Variants in TPCN1 observed in about 807,000 individuals in gnomAD.
TPCN1 encodes the protein two pore channel protein 1.
In TPCN1, 52 loss-of-function variants were observed where a neutral mutation model predicts 108.8. The ratio of observed to expected loss-of-function variants is 0.48; its 90% CI spans 0.38 to 0.60. The LOEUF (loss-of-function observed/expected upper bound fraction) is 0.60, where lower values mean the gene tolerates loss of function less well. Among genes scored for constraint, TPCN1 ranks in the 20% least tolerant of loss-of-function variants. The pLI is 0.00. For missense variants in TPCN1, 806 were observed against 1,072.8 expected, an observed-to-expected ratio of 0.75 and a Z score of 3.47; for synonymous variants, 446 against 433.7, an observed-to-expected ratio of 1.03 and a Z score of -0.35.
intron 2 of TPCN1, among the ~76,000 whole-genome samples, chr12:113,246,428 C>T (rs1954386907): frequency 6.6e-6 from 1 of 152,232 alleles, no homozygotes; most frequent in Non-Finnish European, 1.5e-5. Context: ...ATGCAGAATA[C>T]AGTCTTCCTG....
intron 2 of TPCN1, among the ~76,000 whole-genome samples, chr12:113,234,078 G>GCTCC (rs1359656303): frequency 1.3e-5 from 2 of 152,060 alleles, no homozygotes; most frequent in Non-Finnish European, 2.9e-5. Context: ...CATACCTAGA[G>GCTCC]CTCCCTTTCA....
intron 2 of TPCN1, among the ~76,000 whole-genome samples, chr12:113,252,822 C>G (rs944350701): frequency 6.6e-6 from 1 of 152,162 alleles, no homozygotes; most frequent in Admixed American, 6.5e-5. Context: ...CTGTCTCTGC[C>G]TAGGGCTTAG....
intron 2 of TPCN1, among the ~76,000 whole-genome samples, chr12:113,254,426 A>G (rs911211186): frequency 6.6e-6 from 1 of 152,236 alleles, no homozygotes; most frequent in African/African-American, 2.4e-5. Flanking sequence ...AAAAATTTAA[A>G]CAATTTTGCA....
intron 3 of TPCN1, among the ~76,000 whole-genome samples, chr12:113,265,522 T>G (rs1404518164): frequency 6.6e-6 from 1 of 151,436 alleles, no homozygotes; most frequent in African/African-American, 2.4e-5. Flanking sequence ...CTTTACCTCC[T>G]CTCAGGACCT....
chr12:113,254,403 G>A (rs931396532), intron 2 of TPCN1, among the ~76,000 whole-genome samples: 2 of 152,228 alleles, frequency 1.3e-5, no homozygotes, highest in South Asian at 2.1e-4. Flanking sequence ...CATTCTACAC[G>A]GATGTAGATG....
Position 113,273,509 on chromosome 12 carries a change from T to G in TPCN1, c.843-60T>G. The G allele has an allele frequency of 2.1e-6, 3 of 1,396,780 alleles. No homozygotes were observed. Among genetic ancestry groups the G allele is most frequent in the Non-Finnish European group, 3.1e-6 (3 of 982,380 alleles). The allele number at this position is 1,396,780 out of a possible 1,614,324, so 86.5% of individuals were successfully genotyped here. A position where few individuals can be genotyped will look rare whatever the true frequency, so the allele number is the denominator to read the frequency against. On this transcript the variant is annotated intron_variant, in intron 9 of 27. Coordinates refer to ENST00000335509, the MANE Select transcript of TPCN1 (RefSeq NM_017901.6). The surrounding 1 kb of genome is among the most constrained non-coding windows in gnomAD (Gnocchi z 4.0). ...AAGGAGCTGTCCTCTGCAAGGCATG[T>G]GCTCTGAGAGGATGGAGACAGGCAG...
chr12:113,286,451 G>GGGGGC (rs1481076584), intron 18 of TPCN1, among the ~76,000 whole-genome samples: 6 of 152,104 alleles, frequency 3.9e-5, no homozygotes, highest in East Asian at 1.9e-4. Flanking sequence ...AACACGCAGA[G>GGGGGC]CGGAGTTGGG....
At chr12:113,282,470 C>A (rs1396702065) in intron 15 of TPCN1, among the ~76,000 whole-genome samples, 1 of 151,846 alleles carries the variant, frequency 6.6e-6, no homozygotes, top group East Asian at 1.9e-4. Context: ...TGTTTTATGG[C>A]CGGGCATGGT....
chr12:113,278,341 C>A, intron 13 of TPCN1, 104 bp downstream of exon 13: 5 of 1,045,640 alleles, frequency 4.8e-6, no homozygotes, highest in South Asian at 1.3e-5. Context: ...CCTGCTAGAG[C>A]AGCTCAGCCC....
rs760892701 is a variant in TPCN1, at chr12:113,288,188, C to T, written c.1660C>T (p.Arg554Cys). Reference sequence around the variant, plus strand: ...GTTGTTTAAGTTGAAGGAGCGCTACCGCAACGTGCTGGACACCATGTTCGA... The same window carrying T: ...GTTGTTTAAGTTGAAGGAGCGCTACTGCAACGTGCTGGACACCATGTTCGA... ...LRLFKLKERYRNVLDTMFELL... is the reference protein window; with the variant it reads ...LRLFKLKERYCNVLDTMFELL... Residue 554 changes from arginine (R) to cysteine (C), a missense_variant, in exon 20 of 28, where the codon CGC becomes TGC. Physicochemically the swap from Arg to Cys is radical, Grantham distance 180 (BLOSUM62 -3). Coordinates refer to ENST00000335509, the MANE Select transcript of TPCN1 (RefSeq NM_017901.6). The surrounding 1 kb of genome is among the most constrained non-coding windows in gnomAD (Gnocchi z 4.8). 9.3e-6 allele frequency: 15 copies of T among 1,613,866 alleles called. No homozygotes were observed. The highest frequency in any genetic ancestry group is 3.3e-4 in the Middle Eastern group (2 of 6,050).
At chr12:113,293,688 CGGCGACCGTG>C (rs530722254) in intron 27 of TPCN1, among the ~76,000 whole-genome samples, 48 of 152,274 alleles carry the variant, frequency 3.2e-4, no homozygotes, top group African/African-American at 1.1e-3. Context: ...GAGGAAAGAG[CGGCGACCGTG>C]GTGAACTGGC....
At chr12:113,257,433 G>A (rs1954866578) in intron 2 of TPCN1, among the ~76,000 whole-genome samples, 1 of 151,724 alleles carries the variant, frequency 6.6e-6, no homozygotes, top group Admixed American at 6.6e-5. Flanking sequence ...GGAGGTTTTA[G>A]TGAGCTGAGA....
chr12:113,256,553 G>T (rs1207702670), intron 2 of TPCN1, among the ~76,000 whole-genome samples: 1 of 152,094 alleles, frequency 6.6e-6, no homozygotes, highest in African/African-American at 2.4e-5. Context: ...TGAAATCTTT[G>T]TTTTTATTTT....
intron 22 of TPCN1, among the ~76,000 whole-genome samples, 163 bp from the exon 23 acceptor site, chr12:113,290,789 G>C (rs1300112565): frequency 6.6e-6 from 1 of 152,164 alleles, no homozygotes; most frequent in Admixed American, 6.5e-5. Flanking sequence ...CAGCGCCCTA[G>C]GAGTGCCTTG....
At chr12:113,265,220 A>G (rs568898940) in intron 3 of TPCN1, among the ~76,000 whole-genome samples, 257 of 152,324 alleles carry the variant, frequency 1.7e-3, no homozygotes, top group Non-Finnish European at 2.9e-3. Context: ...GATAATAGCA[A>G]ATACCTGTAG....
chr12:113,225,591 C>T (rs1246545308), intron 1 of TPCN1, among the ~76,000 whole-genome samples: 1 of 151,898 alleles, frequency 6.6e-6, no homozygotes, highest in Non-Finnish European at 1.5e-5. Flanking sequence ...GACAGAGTCT[C>T]GCCCTGTCAC....
intron 11 of TPCN1, 76 bp from the exon 12 acceptor site, chr12:113,277,164 T>C (rs1344852468): frequency 3.1e-6 from 5 of 1,608,120 alleles, no homozygotes; most frequent in Non-Finnish European, 3.4e-6. Flanking sequence ...TGAACAGAGC[T>C]GGAGTGGATC....
chr12:113,268,852 G>A lies in TPCN1; in HGVS notation c.639G>A (p.Arg213=). The change falls in exon 6 of 28, where the codon CGG becomes CGA. Residue 213 remains arginine (R), a synonymous_variant. Transcript: ENST00000335509. This position sits in a 1 kb window ranked among gnomAD's most constrained non-coding sequence, Gnocchi z 7.3. ...GCTGCATTTTCCTGGTGGACTGTCGGTATTGCGGTGGCGTCCGGCGGTAAG... is the reference window on the plus strand; with the variant it reads ...GCTGCATTTTCCTGGTGGACTGTCGATATTGCGGTGGCGTCCGGCGGTAAG... The part of the protein sequence containing the change: ...ALRCIFLVDC[R]YCGGVRRNLR... 1.2e-6 allele frequency: 2 copies of A among 1,614,086 alleles called. No homozygotes were observed. Among genetic ancestry groups the A allele is most frequent in the South Asian group, 2.2e-5 (2 of 91,078 alleles).
intron 2 of TPCN1, among the ~76,000 whole-genome samples, chr12:113,253,798 A>G (rs1476241390): frequency 1.3e-5 from 2 of 152,392 alleles, no homozygotes; most frequent in African/African-American, 2.4e-5. Flanking sequence ...TGTGTGGAGA[A>G]GCAGCAAGGT....
Sources: gnomAD v4.1 joint callset for allele counts (sites outside exome capture counted in the v4.1 genomes callset) on GRCh38, gnomAD v4.1.1 for gene constraint, Gnocchi (gnomAD v3.1) non-coding constraint, MANE v1.5 for transcripts, NCBI Gene and HGNC (gene_info 2026-07-23, HGNC 2026-07-21) for gene names.